NTNG1: variants seen among roughly 807,000 people sequenced by gnomAD.
NTNG1 encodes the protein netrin-G1.
A neutral mutation model predicts 54.0 loss-of-function variants in NTNG1; 16 were observed. The ratio of observed to expected loss-of-function variants is 0.30; its 90% CI spans 0.20 to 0.45. The LOEUF is 0.45. Ranked by LOEUF, NTNG1 falls within the 20% of genes least tolerant of loss-of-function variation. NTNG1 has a pLI of 1.00. For synonymous variants in NTNG1, 255 were observed against 263.1 expected, an observed-to-expected ratio of 0.97 and a Z score of 0.30; for missense variants, 530 against 678.7, an observed-to-expected ratio of 0.78 and a Z score of 2.43.
chr1:107,265,226 T>C (rs1023958647), intron 2 of NTNG1, among the ~76,000 whole-genome samples: 5 of 151,892 alleles, frequency 3.3e-5, no homozygotes, highest in Non-Finnish European at 7.4e-5. Context: ...TTATACCAAA[T>C]CAGTAGGAGG....
At chr1:107,378,866 C>T (rs1430045367) in intron 3 of NTNG1, among the ~76,000 whole-genome samples, 1 of 152,098 alleles carries the variant, frequency 6.6e-6, no homozygotes, top group African/African-American at 2.4e-5. Context: ...CTGCACAGTC[C>T]CCCCACACAT....
intron 2 of NTNG1, among the ~76,000 whole-genome samples, chr1:107,249,738 G>A (rs1172397086): frequency 2.0e-5 from 3 of 152,084 alleles, no homozygotes; most frequent in East Asian, 1.9e-4. Flanking sequence ...ACTTCACATC[G>A]TTTGACTCAG....
intron 2 of NTNG1, among the ~76,000 whole-genome samples, chr1:107,243,355 T>C (rs1472883900): frequency 6.6e-6 from 1 of 152,202 alleles, no homozygotes; most frequent in African/African-American, 2.4e-5. Flanking sequence ...AGGGACTATT[T>C]AAATAAGTCA....
intron 2 of NTNG1, among the ~76,000 whole-genome samples, chr1:107,205,239 G>T (rs1025141041): frequency 6.6e-6 from 1 of 152,144 alleles, no homozygotes; most frequent in East Asian, 1.9e-4. Flanking sequence ...AGAGTTTATA[G>T]CTTCAGAGAC....
At chr1:107,453,787 G>T (rs1057359714) in intron 7 of NTNG1, among the ~76,000 whole-genome samples, 3 of 152,108 alleles carry the variant, frequency 2.0e-5, no homozygotes, top group Admixed American at 6.5e-5. Context: ...CCATCAGTAT[G>T]CTTGGACATT....
chr1:107,180,231 A>G (rs1189364543), intron 2 of NTNG1, among the ~76,000 whole-genome samples: 2 of 152,148 alleles, frequency 1.3e-5, no homozygotes, highest in East Asian at 3.9e-4. Context: ...TTAGATACGT[A>G]TGGAGGTCTT....
rs202160465 is a variant in NTNG1, at chr1:107,429,577, GT to G, written c.1088-1172del. Among the ~76,000 whole-genome samples, 1,806 of 152,224 alleles carry G rather than the reference GT, an allele frequency of 0.012. 85 individuals carry two copies. In the East Asian group the frequency reaches 0.17, roughly 15 times the overall value. On this transcript the variant is annotated intron_variant, in intron 5 of 7. Coordinates refer to ENST00000370068, the MANE Select transcript of NTNG1 (RefSeq NM_001113226.3). ...GAATGAATGTGTTCAAATAATGACT[GT>G]GCTTGGCTTTCTAGTGGGATAAAAT...
chr1:107,301,690 T>G (rs1666328281), intron 2 of NTNG1, among the ~76,000 whole-genome samples: 3 of 152,204 alleles, frequency 2.0e-5, no homozygotes, highest in African/African-American at 7.2e-5. Flanking sequence ...TCCTTCTTCT[T>G]CATTGTGATC....
intron 2 of NTNG1, among the ~76,000 whole-genome samples, chr1:107,188,563 A>G (rs892088840): frequency 1.2e-4 from 18 of 152,170 alleles, no homozygotes; most frequent in African/African-American, 4.1e-4. Flanking sequence ...GCCAAGAGAA[A>G]TGCCTTGCTC....
chr1:107,176,140 A>G (rs921026470), intron 2 of NTNG1, among the ~76,000 whole-genome samples: 12 of 152,324 alleles, frequency 7.9e-5, no homozygotes, highest in African/African-American at 2.4e-4. Flanking sequence ...TGATTATAAA[A>G]TAAAGTTTTG....
chr1:107,475,892 A>G (rs892450972), intron 7 of NTNG1, among the ~76,000 whole-genome samples: 2 of 152,336 alleles, frequency 1.3e-5, no homozygotes, highest in East Asian at 3.9e-4. Flanking sequence ...AAATGTCTCC[A>G]GACATTGTCA....
intron 6 of NTNG1, among the ~76,000 whole-genome samples, chr1:107,431,416 G>T (rs1675258383): frequency 6.6e-6 from 1 of 152,154 alleles, no homozygotes; most frequent in Non-Finnish European, 1.5e-5. Flanking sequence ...AACTGGAAAT[G>T]TAAAAGTTTG....
intron 1 of NTNG1, among the ~76,000 whole-genome samples, chr1:107,142,746 T>C (rs1376002159): frequency 2.7e-5 from 4 of 150,112 alleles, no homozygotes; most frequent in Non-Finnish European, 5.9e-5. Context: ...GTTAAGCTTG[T>C]TGGAAAGTTT....
At chr1:107,232,955 C>T (rs1299157865) in intron 2 of NTNG1, among the ~76,000 whole-genome samples, 1 of 152,300 alleles carries the variant, frequency 6.6e-6, no homozygotes, top group South Asian at 2.1e-4. Flanking sequence ...GCACAAATCT[C>T]ATCAGAATAT....
intron 7 of NTNG1, among the ~76,000 whole-genome samples, chr1:107,452,609 C>A (rs1378249639): frequency 2.0e-5 from 3 of 152,078 alleles, no homozygotes; most frequent in Non-Finnish European, 2.9e-5. Context: ...TCTGGTGAGA[C>A]TGGATTAATT....
chr1:107,329,694 A>G (rs956848115), intron 3 of NTNG1, among the ~76,000 whole-genome samples: 1 of 152,122 alleles, frequency 6.6e-6, no homozygotes, highest in Non-Finnish European at 1.5e-5. Context: ...TTTTCCAATT[A>G]GTCTCAATTA....
intron 2 of NTNG1, among the ~76,000 whole-genome samples, chr1:107,165,440 GTTAA>G (rs1209698479): frequency 6.6e-6 from 1 of 152,084 alleles, no homozygotes; most frequent in Non-Finnish European, 1.5e-5. Flanking sequence ...ATGTTTTTAA[GTTAA>G]TTAAAGAGCA....
At chr1:107,412,985 A>T (rs1283184568) in intron 5 of NTNG1, among the ~76,000 whole-genome samples, 1 of 151,788 alleles carries the variant, frequency 6.6e-6, no homozygotes, top group East Asian at 1.9e-4. Flanking sequence ...ATCACACTAA[A>T]CTCTGTTTTC....
chr1:107,296,953 A>G (rs1665979263), intron 2 of NTNG1, among the ~76,000 whole-genome samples: 1 of 149,222 alleles, frequency 6.7e-6, no homozygotes, highest in Non-Finnish European at 1.5e-5. Context: ...TTTTGTTATC[A>G]GAAGGTGATT....
Sources: gnomAD v4.1 joint callset for allele counts (sites outside exome capture counted in the v4.1 genomes callset) on GRCh38, gnomAD v4.1.1 for gene constraint, MANE v1.5 for transcripts, NCBI Gene and HGNC (gene_info 2026-07-23, HGNC 2026-07-21) for gene names.